The following THOC2 variants were observed in gnomAD, a reference collection of about 807,000 sequenced individuals.
THOC2 encodes the protein THO complex 2.
Under a neutral mutation model 128.4 loss-of-function variants are expected in THOC2, and 10 were observed. That is an observed-to-expected ratio of 0.08 (90% confidence interval 0.05 to 0.13). The LOEUF (loss-of-function observed/expected upper bound fraction) is 0.13. Ranked by LOEUF, THOC2 falls within the 10% of genes least tolerant of loss-of-function variation. The probability of loss-of-function intolerance (pLI) is 1.00; values close to 1 mark genes in which losing one functional copy is unlikely to be tolerated. For missense variants in THOC2, 535 were observed against 1,155.7 expected, an observed-to-expected ratio of 0.46 and a Z score of 7.79; for synonymous variants, 393 against 396.9, an observed-to-expected ratio of 0.99 and a Z score of 0.12.
intron 8 of THOC2, among the ~76,000 whole-genome samples, chrX:123,678,050 T>C (rs1448462029): frequency 9.1e-6 from 1 of 109,641 alleles, no homozygotes; most frequent in African/African-American, 3.3e-5. Flanking sequence ...CATGAAGCGG[T>C]CATCTATGAT....
chrX:123,725,428 CAA>C (rs766388135), intron 1 of THOC2, among the ~76,000 whole-genome samples: 1 of 54,889 alleles, frequency 1.8e-5, no homozygotes. Flanking sequence ...CCCATCTCTA[CAA>C]AAAAAAAAAA....
At chrX:123,693,039 G>A (rs901162951) in intron 7 of THOC2, among the ~76,000 whole-genome samples, 11 of 112,119 alleles carry the variant, frequency 9.8e-5, no homozygotes, top group African/African-American at 3.2e-4. Context: ...TCAGTGAGGT[G>A]TTCTGGACAG....
In THOC2 at chrX:123,633,058, C is replaced by A; in HGVS notation, c.2137-18G>T. The A allele has an allele frequency of 1.7e-6, 2 of 1,175,542 alleles. No homozygotes were observed. Among genetic ancestry groups the A allele is most frequent in the Non-Finnish European group, 2.3e-6 (2 of 866,131 alleles). On this transcript the variant is annotated intron_variant, in intron 20 of 38. Transcript: ENST00000245838. ...TAACCACCCTGCACAAGGGAAGACACAAATTTACCAGTGTACAGTACATAA... is the reference window on the plus strand; with the variant it reads ...TAACCACCCTGCACAAGGGAAGACAAAAATTTACCAGTGTACAGTACATAA...
chrX:123,678,742 G>T (rs1303089917), intron 8 of THOC2, among the ~76,000 whole-genome samples: 1 of 109,580 alleles, frequency 9.1e-6, no homozygotes, highest in Non-Finnish European at 1.9e-5. Context: ...GTCCATTGTT[G>T]ACCGAAACAT....
intron 28 of THOC2, 23 bp downstream of exon 28, chrX:123,623,764 A>C (rs1177105482): frequency 4.2e-6 from 5 of 1,201,736 alleles, no homozygotes; most frequent in Non-Finnish European, 5.6e-6. Context: ...CTTGTAAATC[A>C]CATTAAAATA....
intron 34 of THOC2, 36 bp from the exon 35 acceptor site, chrX:123,613,744 G>C (rs1420649818): frequency 2.6e-6 from 3 of 1,163,901 alleles, no homozygotes; most frequent in Non-Finnish European, 3.5e-6. Flanking sequence ...TTGACCAAGG[G>C]CTTCTGTTTT....
In THOC2 at chrX:123,644,615, C is replaced by T; in HGVS notation, c.1621G>A (p.Val541Ile). Residue 541 changes from valine to isoleucine, a missense_variant, in exon 15 of 39, where the codon GTT (valine) becomes ATT (isoleucine). Physicochemically the swap from Val to Ile is conservative, Grantham distance 29. Coordinates refer to ENST00000245838, the MANE Select transcript of THOC2 (RefSeq NM_001081550.2). ...TYNSHPLLVK[V>I]KAQTIDRAKY... ...GCTCTGTCTATTGTTTGAGCTTTAA[C>T]TTTTACTAAAAGTGGGTGACTGTTA... The T allele has an allele frequency of 2.5e-6, 3 of 1,204,577 alleles. No homozygotes were observed. The highest frequency in any genetic ancestry group is 2.2e-6 in the Non-Finnish European group (2 of 891,705).
At chrX:123,726,066 G>A (rs1225926557) in intron 1 of THOC2, among the ~76,000 whole-genome samples, 1 of 110,824 alleles carries the variant, frequency 9.0e-6, no homozygotes, top group Non-Finnish European at 1.9e-5. Flanking sequence ...AAAATTAGCC[G>A]GGCTTGGTGG....
At chrX:123,667,967 AT>A (rs1243437511) in intron 10 of THOC2, among the ~76,000 whole-genome samples, 191 bp downstream of exon 10, 3 of 111,562 alleles carry the variant, frequency 2.7e-5, no homozygotes, top group East Asian at 5.6e-4. Flanking sequence ...AAGAAAAAAA[AT>A]ATGACAGCTT....
rs1345610499 is a variant in THOC2 at position 123,623,591 on chromosome X, A to T, written c.3503+196T>A. ...GAAATATTATACATGACTTTAAAAA[A>T]ACTATCATCCAGTATAGACCGGAAG... On this transcript the variant is annotated intron_variant, in intron 28 of 38. Transcript: ENST00000245838. The T allele has an allele frequency of 2.2e-5, 20 of 904,704 alleles. No homozygotes were observed. The African/African-American group carries it at 4.0e-4, about 18-fold the overall frequency. 74.6% of individuals were successfully genotyped at this position (904,704 alleles called of 1,213,427 possible). A position where few individuals can be genotyped will look rare whatever the true frequency, so the allele number is the denominator to read the frequency against.
chrX:123,730,950 GA>G (rs1321500942), intron 1 of THOC2, among the ~76,000 whole-genome samples: 8 of 107,899 alleles, frequency 7.4e-5, no homozygotes, highest in East Asian at 5.8e-4. Context: ...TCTCAAGGGG[GA>G]AAAAAAAAAG....
chrX:123,709,712 T>A (rs1054667065), intron 2 of THOC2, among the ~76,000 whole-genome samples: 2 of 112,266 alleles, frequency 1.8e-5, no homozygotes, highest in Non-Finnish European at 3.8e-5. Context: ...TTTGTTTTTT[T>A]AAACAATAAT....
chrX:123,653,910 T>C (rs1338759177), intron 12 of THOC2, among the ~76,000 whole-genome samples: 1 of 111,953 alleles, frequency 8.9e-6, no homozygotes, highest in Non-Finnish European at 1.9e-5. Flanking sequence ...ACTGGGTATA[T>C]ACCCAGAGGA....
chrX:123,603,628 T>C (rs1413748082), intron 38 of THOC2: 3 of 573,131 alleles, frequency 5.2e-6, no homozygotes, highest in Non-Finnish European at 9.0e-6. Flanking sequence ...TTAAAGCAGA[T>C]TCCCATTAAA....
intron 9 of THOC2, among the ~76,000 whole-genome samples, chrX:123,670,280 T>C (rs1286484904): frequency 8.9e-6 from 1 of 112,451 alleles, no homozygotes; most frequent in Admixed American, 9.5e-5. Context: ...CCAACCACTC[T>C]GAGCTTCCTG....
intron 8 of THOC2, among the ~76,000 whole-genome samples, chrX:123,675,511 C>A (rs1415774951): frequency 9.1e-6 from 1 of 109,719 alleles, no homozygotes; most frequent in African/African-American, 3.3e-5. Flanking sequence ...CATGGTGGTG[C>A]GCACCTGTAG....
chrX:123,709,474 C>T (rs1026105742), intron 2 of THOC2, among the ~76,000 whole-genome samples: 1 of 110,360 alleles, frequency 9.1e-6, no homozygotes, highest in Non-Finnish European at 1.9e-5. Flanking sequence ...GCCTGTAGTC[C>T]CGGCTACTCA....
At chrX:123,712,256 A>G (rs776872281) in intron 2 of THOC2, among the ~76,000 whole-genome samples, 1 of 111,936 alleles carries the variant, frequency 8.9e-6, no homozygotes, top group Admixed American at 9.5e-5. Context: ...CTCCTTTGCC[A>G]AATCCACATG....
chrX:123,622,036 C>T (rs2047104649), intron 30 of THOC2, among the ~76,000 whole-genome samples: 1 of 111,836 alleles, frequency 8.9e-6, no homozygotes. Flanking sequence ...CAGAGCAAGA[C>T]TCCTTCTCGA....
Sources: allele counts gnomAD v4.1 joint callset (sites outside exome capture counted in the v4.1 genomes callset), GRCh38; gene constraint gnomAD v4.1.1; transcripts MANE v1.5; gene names NCBI Gene and HGNC (gene_info 2026-07-23, HGNC 2026-07-21).